DIPK1C: variants seen among roughly 807,000 people sequenced by gnomAD.
DIPK1C encodes familial non-conventional Alzheimer's dementia.
DIPK1C carries 33 observed loss-of-function variants against 28.0 expected under a neutral mutation model. That is an observed-to-expected ratio of 1.18 (90% CI 0.89 to 1.58). DIPK1C has a LOEUF of 1.58. DIPK1C is among the 40% of genes most tolerant of loss of function. DIPK1C has a pLI of 0.00. For synonymous variants in DIPK1C, 255 were observed against 248.8 expected, an observed-to-expected ratio of 1.02 and a Z score of -0.23; for missense variants, 569 against 568.5, an observed-to-expected ratio of 1.00 and a Z score of -0.01.
chr18:74,438,201 A>T (rs770973877), intron 3 of DIPK1C, among the ~76,000 whole-genome samples: 16 of 152,138 alleles, frequency 1.1e-4, no homozygotes, highest in Non-Finnish European at 1.8e-4. Flanking sequence ...CATCCCTCCA[A>T]ATCAGTTCTT....
intron 3 of DIPK1C, among the ~76,000 whole-genome samples, chr18:74,439,414 T>C (rs1295010501): frequency 1.3e-5 from 2 of 152,224 alleles, no homozygotes; most frequent in African/African-American, 4.8e-5. Flanking sequence ...TTATCAGGGC[T>C]AAATACCCGT....
chr18:74,439,834 CA>C (rs1161162987), intron 3 of DIPK1C, among the ~76,000 whole-genome samples: 1 of 150,998 alleles, frequency 6.6e-6, no homozygotes, highest in Non-Finnish European at 1.5e-5. Flanking sequence ...TAAAATAAAA[CA>C]GAAATAAAAA....
At chr18:74,448,651 G>A (rs1404339125) in intron 1 of DIPK1C, among the ~76,000 whole-genome samples, 4 of 152,120 alleles carry the variant, frequency 2.6e-5, no homozygotes, top group African/African-American at 9.7e-5. Flanking sequence ...GTGTATGCAC[G>A]AGCACCAGGC....
At chr18:74,463,002 T>G in the DIPK1C span, among the ~76,000 whole-genome samples, 3 of 152,212 alleles carry the variant, frequency 2.0e-5, no homozygotes, top group Non-Finnish European at 4.4e-5. Flanking sequence ...CTGCCTGGGT[T>G]GACCTAGTGG....
chr18:74,439,040 A>C (rs1287816182), intron 3 of DIPK1C, among the ~76,000 whole-genome samples: 2 of 152,118 alleles, frequency 1.3e-5, no homozygotes, highest in Admixed American at 6.5e-5. Flanking sequence ...ATGTTTTGCA[A>C]ATTTTCTCAT....
At chr18:74,440,067 C>G (rs1986086880) in intron 3 of DIPK1C, among the ~76,000 whole-genome samples, 1 of 151,824 alleles carries the variant, frequency 6.6e-6, no homozygotes, top group Non-Finnish European at 1.5e-5. Context: ...GCCTCAGCCT[C>G]CCGAGTAGCT....
chr18:74,457,536 A>G (rs1483243717), upstream of DIPK1C, among the ~76,000 whole-genome samples: 1 of 152,164 alleles, frequency 6.6e-6, no homozygotes, highest in Admixed American at 6.5e-5. Flanking sequence ...TCCCCCAAGA[A>G]GACCAGCTCC....
At chr18:74,440,388 T>C (rs984536842) in intron 3 of DIPK1C, among the ~76,000 whole-genome samples, 2 of 152,146 alleles carry the variant, frequency 1.3e-5, no homozygotes, top group African/African-American at 4.8e-5. Context: ...AGCATGGCTA[T>C]GTCTAACAGC....
chr18:74,439,477 A>G (rs932599205), intron 3 of DIPK1C, among the ~76,000 whole-genome samples: 1 of 152,084 alleles, frequency 6.6e-6, no homozygotes, highest in Non-Finnish European at 1.5e-5. Context: ...TTGATTTGTA[A>G]ATTTATATAG....
rs780931527 is a variant in DIPK1C at position 74,447,146 on chromosome 18, G to C, written c.336C>G (p.Pro112=). 36 of 1,550,436 alleles carry C rather than the reference G, an allele frequency of 2.3e-5. No homozygotes were observed. In the Middle Eastern group the frequency reaches 5.0e-4, roughly 21 times the overall value. The change falls in exon 2 of 4, where the codon CCC becomes CCG. Residue 112 remains proline (P), a synonymous_variant. Coordinates refer to ENST00000343998, the MANE Select transcript of DIPK1C (RefSeq NM_001044369.3). This position sits in a 1 kb window ranked among gnomAD's most constrained non-coding sequence, Gnocchi z 4.1. ...KVLQADWRGR[P]VVLKSKEEAF... ...CCTCCTCCTTGGACTTGAGGACCAC[G>C]GGCCGGCCGCGCCAGTCGGCCTGCA... is the stretch of plus-strand genomic sequence containing the variant.
intron 3 of DIPK1C, among the ~76,000 whole-genome samples, chr18:74,438,905 T>C (rs901066430): frequency 2.0e-5 from 3 of 152,158 alleles, no homozygotes; most frequent in African/African-American, 7.2e-5. Context: ...AACCAATCAC[T>C]AGATGCTGCC....
At chr18:74,462,952 T>C in the DIPK1C span, among the ~76,000 whole-genome samples, 1 of 152,216 alleles carries the variant, frequency 6.6e-6, no homozygotes. Context: ...TAGAACCACA[T>C]TTTAGGAATT....
In DIPK1C at chr18:74,435,783, TG is replaced by T. The variant is rs1985973050; in HGVS notation, c.*717del. The T allele has an allele frequency of 6.6e-6, 1 of 152,340 alleles. No individual in the cohort carries two copies. The highest frequency in any genetic ancestry group is 2.1e-4 in the South Asian group (1 of 4,832). 9.4% of individuals were successfully genotyped at this position (152,340 alleles called of 1,614,324 possible). On this transcript the variant is annotated 3_prime_UTR_variant, in exon 4 of 4. Transcript: ENST00000343998. ...TTCCGAAAGAATGGTCACACTTCTT[TG>T]CTAGGTAGGCAAGATGTTCCGGAGG...
At chr18:74,459,289 C>T (rs544984455), upstream of DIPK1C, among the ~76,000 whole-genome samples, 9 of 152,350 alleles carry the variant, frequency 5.9e-5, no homozygotes, top group African/African-American at 1.7e-4. Context: ...AAATTAACCA[C>T]ATTCAGATCT....
At chr18:74,440,084 G>A (rs549938098) in intron 3 of DIPK1C, among the ~76,000 whole-genome samples, 190 of 151,866 alleles carry the variant, frequency 1.3e-3, no homozygotes, top group Non-Finnish European at 2.1e-3. Flanking sequence ...AGCTGGGACT[G>A]CAGGCGCCCG....
chr18:74,447,218 C>G lies in DIPK1C; in HGVS notation c.264G>C (p.Glu88Asp), dbSNP rs963155731. 6.5e-7 allele frequency: 1 copy of G among 1,549,596 alleles called. No homozygotes were observed. Among genetic ancestry groups the G allele is most frequent in the Non-Finnish European group, 8.7e-7 (1 of 1,146,462 alleles). ...AGTGCAGGCAGCGTTGGAACAGCAGCTCTCCCGCCACACACAGGTCCTCGC... is the reference window on the plus strand; with the variant it reads ...AGTGCAGGCAGCGTTGGAACAGCAGGTCTCCCGCCACACACAGGTCCTCGC... ...DLCEDLCVAG[E>D]LLFQRCLHYN... The change falls in exon 2 of 4, where the codon GAG becomes GAC. Residue 88 changes from glutamate to aspartate, a missense_variant. Physicochemically the swap from Glu to Asp is conservative, Grantham distance 45. Coordinates refer to ENST00000343998, the MANE Select transcript of DIPK1C (RefSeq NM_001044369.3). This position sits in a 1 kb window ranked among gnomAD's most constrained non-coding sequence, Gnocchi z 4.1.
chr18:74,464,051 C>T, the DIPK1C span, among the ~76,000 whole-genome samples: 1 of 152,126 alleles, frequency 6.6e-6, no homozygotes, highest in Non-Finnish European at 1.5e-5. Flanking sequence ...ATATAAGAAG[C>T]CATAGAGTCA....
chr18:74,458,243 G>A (rs942965948), upstream of DIPK1C, among the ~76,000 whole-genome samples: 7 of 152,180 alleles, frequency 4.6e-5, no homozygotes, highest in East Asian at 7.7e-4. Context: ...CAGCTGAGGG[G>A]CTGTGAAAGC....
chr18:74,463,010 T>C, the DIPK1C span, among the ~76,000 whole-genome samples: 1 of 152,334 alleles, frequency 6.6e-6, no homozygotes, highest in South Asian at 2.1e-4. Context: ...GTTGACCTAG[T>C]GGCAAGAGCC....
Sources: allele counts gnomAD v4.1 joint callset (sites outside exome capture counted in the v4.1 genomes callset), GRCh38; gene constraint gnomAD v4.1.1; non-coding constraint Gnocchi (gnomAD v3.1); transcripts MANE v1.5; gene names NCBI Gene and HGNC (gene_info 2026-07-23, HGNC 2026-07-21).